Variants in ADARB2 observed in about 807,000 individuals in gnomAD.
ADARB2 encodes the protein adenosine deaminase RNA specific B2 (inactive).
ADARB2 carries 25 observed loss-of-function variants against 62.2 expected under a neutral mutation model. That is an observed-to-expected ratio of 0.40 (90% CI 0.29 to 0.56). The LOEUF (loss-of-function observed/expected upper bound fraction) is 0.56. Among genes scored for constraint, ADARB2 ranks in the 20% least tolerant of loss-of-function variants. The probability of loss-of-function intolerance (pLI) is 0.43; values close to 1 mark genes in which losing one functional copy is unlikely to be tolerated. For synonymous variants in ADARB2, 572 were observed against 500.8 expected (o/e 1.14, Z -1.90); for missense variants, 1,071 against 1,077.4 (o/e 0.99, Z 0.08).
chr10:1,396,346 C>T (rs187553844), intron 1 of ADARB2, among the ~76,000 whole-genome samples: 7 of 152,168 alleles, frequency 4.6e-5, no homozygotes, highest in Non-Finnish European at 1.0e-4. Flanking sequence ...GCCCACGCCT[C>T]GGCCGACGCA....
chr10:1,386,441 A>C (rs1832525948), intron 1 of ADARB2, among the ~76,000 whole-genome samples: 1 of 152,018 alleles, frequency 6.6e-6, no homozygotes, highest in African/African-American at 2.4e-5. Context: ...AAGTATAAAA[A>C]TATAGACAGG....
intron 2 of ADARB2, among the ~76,000 whole-genome samples, chr10:1,377,200 G>A (rs1039528315): frequency 7.8e-6 from 1 of 127,390 alleles, no homozygotes; most frequent in Admixed American, 7.9e-5. Context: ...TGCTCCTGGG[G>A]TGTGTGCGTT....
At chr10:1,631,450 G>A (rs975876825) in intron 1 of ADARB2, among the ~76,000 whole-genome samples, 1 of 152,228 alleles carries the variant, frequency 6.6e-6, no homozygotes, top group Non-Finnish European at 1.5e-5. Flanking sequence ...TCATGCCAGG[G>A]CGTATCACCT....
At chr10:1,726,664 G>T (rs185929771) in intron 1 of ADARB2, among the ~76,000 whole-genome samples, 3 of 152,208 alleles carry the variant, frequency 2.0e-5, no homozygotes, top group Admixed American at 1.3e-4. Flanking sequence ...CATGAGATAG[G>T]CAGGCAGCAC....
chr10:1,650,792 G>A (rs1321730358), intron 1 of ADARB2, among the ~76,000 whole-genome samples: 1 of 152,212 alleles, frequency 6.6e-6, no homozygotes. Context: ...CGTGCCTGGA[G>A]CTTCTCAGCA....
chr10:1,310,733 C>T (rs1831682369), intron 3 of ADARB2, among the ~76,000 whole-genome samples: 1 of 152,116 alleles, frequency 6.6e-6, no homozygotes, highest in Non-Finnish European at 1.5e-5. Context: ...AGGAGGCTCT[C>T]CAGGCCCCTG....
chr10:1,528,622 C>T (rs999250855), intron 1 of ADARB2, among the ~76,000 whole-genome samples: 1 of 152,236 alleles, frequency 6.6e-6, no homozygotes, highest in Non-Finnish European at 1.5e-5. Context: ...ATGGTTTTCC[C>T]ATCACCCACA....
At chr10:1,658,402 CTCTA>C (rs918050699) in intron 1 of ADARB2, among the ~76,000 whole-genome samples, 1 of 152,060 alleles carries the variant, frequency 6.6e-6, no homozygotes, top group African/African-American at 2.4e-5. Flanking sequence ...CTTTCTCTGT[CTCTA>C]TCTGATACTG....
chr10:1,182,431 G>C lies in ADARB2; in HGVS notation c.*762C>G, dbSNP rs112530953. The C allele has an allele frequency of 1.7e-4, 25 of 147,274 alleles. No individual in the cohort carries two copies. Among genetic ancestry groups the C allele is most frequent in the African/African-American group, 6.1e-4 (24 of 39,634 alleles). The allele number at this position is 147,274 out of a possible 1,614,324, so 9.1% of individuals were successfully genotyped here. A position where few individuals can be genotyped will look rare whatever the true frequency, so the allele number is the denominator to read the frequency against. ...CATCTGCAGCACGCGTGGGCCGGGT[G>C]TTTCCAGGCTCCCCACATCTGCAGC... On this transcript the variant is annotated 3_prime_UTR_variant, in exon 10 of 10. Transcript: ENST00000381312.
intron 1 of ADARB2, among the ~76,000 whole-genome samples, chr10:1,401,815 G>T (rs1372847435): frequency 6.6e-6 from 1 of 152,144 alleles, no homozygotes; most frequent in East Asian, 1.9e-4. Flanking sequence ...GCGAGGCCTG[G>T]GGAGCGGTTC....
intron 1 of ADARB2, among the ~76,000 whole-genome samples, chr10:1,611,556 C>T (rs1249396201): frequency 6.6e-6 from 1 of 152,194 alleles, no homozygotes; most frequent in African/African-American, 2.4e-5. Context: ...CGGCTCTCCC[C>T]CTCCACTCAC....
In ADARB2 at chr10:1,518,207, C is replaced by T. The variant is rs114006272; in HGVS notation, c.101-139047G>A. ...GATACTGTGTTGGCCGCATGAGCTT[C>T]GGTCTCAGCCCTCTAAGTAGAAGCA... is the stretch of plus-strand genomic sequence containing the variant. On this transcript the variant is annotated intron_variant, in intron 1 of 9. Transcript: ENST00000381312. 2.7e-3 allele frequency among the ~76,000 whole-genome samples: 404 copies of T among 152,302 alleles called. 4 individuals are homozygous for T. The highest frequency in any genetic ancestry group is 9.1e-3 in the African/African-American group (379 of 41,548).
At chr10:1,405,014 C>A (rs570015651) in intron 1 of ADARB2, among the ~76,000 whole-genome samples, 1 of 152,202 alleles carries the variant, frequency 6.6e-6, no homozygotes, top group South Asian at 2.1e-4. Flanking sequence ...CAATTCCCGG[C>A]GCCTGCGTGG....
chr10:1,573,963 C>A (rs985870336), intron 1 of ADARB2, among the ~76,000 whole-genome samples: 3 of 152,232 alleles, frequency 2.0e-5, no homozygotes, highest in African/African-American at 7.2e-5. Context: ...ATCTCTTAAC[C>A]TTTTGGGGCC....
intron 1 of ADARB2, among the ~76,000 whole-genome samples, chr10:1,662,566 T>A (rs578221781): frequency 6.6e-6 from 1 of 152,364 alleles, no homozygotes; most frequent in African/African-American, 2.4e-5. Flanking sequence ...GCTGCTTAGT[T>A]TGTGGTAATT....
chr10:1,318,650 T>G (rs546420555), intron 3 of ADARB2, among the ~76,000 whole-genome samples: 8 of 152,282 alleles, frequency 5.3e-5, no homozygotes, highest in Admixed American at 2.0e-4. Context: ...CAACTCAGCA[T>G]TGATACAAAG....
At chr10:1,600,430 A>G (rs2813398) in intron 1 of ADARB2, among the ~76,000 whole-genome samples, 100,961 of 151,732 alleles carry the variant, frequency 0.67, 33,934 homozygotes, top group East Asian at 0.86. Context: ...GGAAGCTGAG[A>G]TGGGGGGATC....
intron 1 of ADARB2, among the ~76,000 whole-genome samples, chr10:1,446,398 A>G (rs1260876278): frequency 6.6e-6 from 1 of 152,262 alleles, no homozygotes; most frequent in African/African-American, 2.4e-5. Flanking sequence ...AAGCTATGTT[A>G]CATGCACCTG....
intron 3 of ADARB2, among the ~76,000 whole-genome samples, chr10:1,274,780 CA>C (rs1198178744): frequency 6.6e-6 from 1 of 152,232 alleles, no homozygotes; most frequent in African/African-American, 2.4e-5. Context: ...AGTCATACAG[CA>C]GGGGGTGGCA....
Sources: gnomAD v4.1 joint callset for allele counts (sites outside exome capture counted in the v4.1 genomes callset) on GRCh38, gnomAD v4.1.1 for gene constraint, MANE v1.5 for transcripts, NCBI Gene and HGNC (gene_info 2026-07-23, HGNC 2026-07-21) for gene names.